The following RILPL1 variants were observed in gnomAD, a reference collection of about 807,000 sequenced individuals.
RILPL1 encodes the protein Rab interacting lysosomal protein like 1, also known as RILP-like protein 1.
A neutral mutation model predicts 50.3 loss-of-function variants in RILPL1; 33 were observed. That is an observed-to-expected ratio of 0.66 (90% confidence interval 0.50 to 0.88). The LOEUF (loss-of-function observed/expected upper bound fraction) is 0.88. RILPL1 is among the 40% of genes least tolerant of loss of function. The pLI is 0.00. For synonymous variants in RILPL1, 205 were observed against 228.6 expected, an observed-to-expected ratio of 0.90 and a Z score of 0.93; for missense variants, 418 against 542.5, an observed-to-expected ratio of 0.77 and a Z score of 2.28.
intron 2 of RILPL1, chr12:123,513,383 T>G (rs1221853485): frequency 2.6e-6 from 1 of 387,230 alleles, no homozygotes; most frequent in Admixed American, 2.7e-5. Flanking sequence ...TGGGGCTGCC[T>G]TGGCTCCCCG....
chr12:123,506,062 T>C (rs1056513986), intron 2 of RILPL1, among the ~76,000 whole-genome samples: 2 of 152,070 alleles, frequency 1.3e-5, no homozygotes, highest in Middle Eastern at 3.2e-3. Flanking sequence ...ACAGACCAAG[T>C]TGAGTGCCGT....
intron 6 of RILPL1, among the ~76,000 whole-genome samples, chr12:123,479,869 A>T (rs1208142036): frequency 1.3e-5 from 2 of 152,212 alleles, no homozygotes; most frequent in East Asian, 3.9e-4. Flanking sequence ...CCTTTCTGGA[A>T]CAATCTGGAA....
In RILPL1 at chr12:123,516,033, C is replaced by CAAAAAAAAAAAAAAAA. The variant is rs749657516; in HGVS notation, c.460+7446_460+7461dup. ...TGGGCCACAGAGCGAGACTCTGTCT[C>CAAAAAAAAAAAAAAAA]AAAAAAAAAAAAAAAAAAAAAAAAA... On this transcript the variant is annotated intron_variant, in intron 2 of 6. Coordinates refer to ENST00000376874, the MANE Select transcript of RILPL1 (RefSeq NM_178314.5). Among the ~76,000 whole-genome samples the CAAAAAAAAAAAAAAAA allele has an allele frequency of 7.7e-3, 280 of 36,188 alleles. 29 individuals are homozygous for CAAAAAAAAAAAAAAAA. The highest frequency in any genetic ancestry group is 0.012 in the Non-Finnish European group (222 of 18,644). 23.7% of individuals were successfully genotyped at this position (36,188 alleles called of 152,430 possible).
In RILPL1 at chr12:123,484,226, C is replaced by A. The variant is rs749817152; in HGVS notation, c.1021G>T (p.Ala341Ser). The stretch of plus-strand genomic sequence containing the variant: ...GGCTGGGGGGACGTCCTCGGGTGGG[C>A]GATGGGTGGGGGTTGGGGTATTCGG... ...ENRIPQPPPI[A>S]HPRTSPQPES... Residue 341 changes from alanine to serine, a missense_variant, in exon 6 of 7, where the codon GCC becomes TCC. By Grantham distance (99) the Ala-to-Ser change is moderately conservative. Transcript: ENST00000376874. 4 of 1,596,538 alleles carry A rather than the reference C, an allele frequency of 2.5e-6. No homozygotes were observed. Among genetic ancestry groups the A allele is most frequent in the Non-Finnish European group, 3.4e-6 (4 of 1,165,076 alleles).
chr12:123,476,853 CAG>C (rs1218451257), intron 6 of RILPL1, among the ~76,000 whole-genome samples: 1 of 152,204 alleles, frequency 6.6e-6, no homozygotes, highest in African/African-American at 2.4e-5. Flanking sequence ...CGAGGGATGA[CAG>C]AGTGGCTCCC....
Position 123,471,308 on chromosome 12 carries a change from G to A in RILPL1, c.*1230C>T, listed in dbSNP as rs1037602142. 2 of 152,194 alleles carry A rather than the reference G, an allele frequency of 1.3e-5. No individual in the cohort carries two copies. The highest frequency in any genetic ancestry group is 1.3e-4 in the Admixed American group (2 of 15,258). The allele number at this position is 152,194 out of a possible 1,614,324, so 9.4% of individuals were successfully genotyped here. The stretch of plus-strand genomic sequence containing the variant: ...GCTGGTCTCGAACTCCGGACCTCAA[G>A]TGACCCACCTGCCTCGGCCTCCCAA... On this transcript the variant is annotated 3_prime_UTR_variant, in exon 7 of 7. Coordinates refer to ENST00000376874, the MANE Select transcript of RILPL1 (RefSeq NM_178314.5).
chr12:123,510,771 CTG>C (rs1250461522), intron 2 of RILPL1, among the ~76,000 whole-genome samples: 1 of 60,740 alleles, frequency 1.6e-5, no homozygotes, highest in East Asian at 5.9e-4. Flanking sequence ...AATGTGGGGT[CTG>C]TGTGTGTGTG....
chr12:123,511,594 CTGTG>C (rs1048828149), intron 2 of RILPL1, among the ~76,000 whole-genome samples: 2 of 79,006 alleles, frequency 2.5e-5, no homozygotes, highest in Non-Finnish European at 4.9e-5. Flanking sequence ...GGTGTGAGGT[CTGTG>C]TGTGTGGTGT....
At chr12:123,486,938 A>C (rs1334315009) in intron 4 of RILPL1, among the ~76,000 whole-genome samples, 3 of 151,990 alleles carry the variant, frequency 2.0e-5, no homozygotes, top group Non-Finnish European at 4.4e-5. Flanking sequence ...ACCTGGGATT[A>C]CAGGCGCCTG....
chr12:123,496,454 T>C (rs1025735842), intron 4 of RILPL1, among the ~76,000 whole-genome samples: 1 of 152,208 alleles, frequency 6.6e-6, no homozygotes, highest in Non-Finnish European at 1.5e-5. Context: ...CACCTGACTG[T>C]GAGCTTGTCT....
chr12:123,499,645 C>T, intron 2 of RILPL1, 109 bp from the exon 3 acceptor site: 1 of 776,778 alleles, frequency 1.3e-6, no homozygotes, highest in Non-Finnish European at 2.2e-6. Context: ...CCCCGGCCTC[C>T]TCCCCAGCCT....
At chr12:123,513,318 T>C in intron 2 of RILPL1, 1 of 367,072 alleles carries the variant, frequency 2.7e-6, no homozygotes, top group South Asian at 1.9e-5. Flanking sequence ...TGAACACTTG[T>C]CCCGACATGC....
Position 123,472,236 on chromosome 12 carries a change from T to G in RILPL1, c.*302A>C. 3.1e-6 allele frequency: 1 copy of G among 322,568 alleles called. No individual in the cohort carries two copies. Among genetic ancestry groups the G allele is most frequent in the Non-Finnish European group, 5.8e-6 (1 of 173,720 alleles). The allele number at this position is 322,568 out of a possible 1,614,324, so 20.0% of individuals were successfully genotyped here. A position where few individuals can be genotyped will look rare whatever the true frequency, so the allele number is the denominator to read the frequency against. ...AGTGATGTATTTGGCTTAAAGAAGC[T>G]TGTGTTACTGAAGTTAACGCAGAAG... On this transcript the variant is annotated 3_prime_UTR_variant, in exon 7 of 7. Coordinates refer to ENST00000376874, the MANE Select transcript of RILPL1 (RefSeq NM_178314.5).
At position 123,485,822 on chromosome 12, in the gene RILPL1, T is replaced by A. The variant is rs747875934; in HGVS notation, c.802-17A>T. The A allele has an allele frequency of 1.3e-6, 2 of 1,586,784 alleles. No homozygotes were observed. The highest frequency in any genetic ancestry group is 1.7e-6 in the Non-Finnish European group (2 of 1,167,924). ...CGGCTCCGTCTGGAGGAGGCAGAGA[T>A]GCTGCTAATGAATTCTTGGCAGCCA... On this transcript the variant is annotated splice_polypyrimidine_tract_variant and intron_variant, in intron 4 of 6. Transcript: ENST00000376874. The surrounding 1 kb of genome is among the most constrained non-coding windows in gnomAD (Gnocchi z 4.0).
At chr12:123,475,646 A>G (rs537705232) in intron 6 of RILPL1, 2 of 1,553,336 alleles carry the variant, frequency 1.3e-6, no homozygotes, top group Admixed American at 3.5e-5. Context: ...AAAACCCAAA[A>G]CACACACAGT....
At chr12:123,516,396 C>T (rs1343406129) in intron 2 of RILPL1, among the ~76,000 whole-genome samples, 2 of 152,246 alleles carry the variant, frequency 1.3e-5, no homozygotes, top group African/African-American at 4.8e-5. Context: ...TCCCCAGGGG[C>T]TAAGGCTGAG....
intron 2 of RILPL1, among the ~76,000 whole-genome samples, chr12:123,503,207 TTTTTTTTTTTTG>T (rs1322319100): frequency 3.4e-5 from 3 of 87,574 alleles, no homozygotes; most frequent in African/African-American, 1.5e-4. Flanking sequence ...TTTTTTTTTT[TTTTTTTTTTTTG>T]AGACAGAGTC....
intron 2 of RILPL1, among the ~76,000 whole-genome samples, chr12:123,508,846 T>A (rs935866990): frequency 4.0e-5 from 6 of 151,384 alleles, no homozygotes; most frequent in Admixed American, 4.0e-4. Flanking sequence ...TCCACCTGGG[T>A]GACAAAGTGA....
chr12:123,472,764 T>C (rs1037307010), intron 6 of RILPL1, 82 bp from the exon 7 acceptor site: 15 of 1,460,894 alleles, frequency 1.0e-5, no homozygotes, highest in Non-Finnish European at 1.4e-5. Context: ...CGGAGACATA[T>C]AGCAGCAAAC....
Sources: gnomAD v4.1 joint callset for allele counts (sites outside exome capture counted in the v4.1 genomes callset) on GRCh38, gnomAD v4.1.1 for gene constraint, Gnocchi (gnomAD v3.1) non-coding constraint, MANE v1.5 for transcripts, NCBI Gene and HGNC (gene_info 2026-07-23, HGNC 2026-07-21) for gene names.